The following ELAVL2 variants were observed in gnomAD, a reference collection of about 807,000 sequenced individuals.
The protein encoded by ELAVL2 is ELAV like RNA binding protein 2.
Under a neutral mutation model 34.6 loss-of-function variants are expected in ELAVL2, and 4 were observed. That is an observed-to-expected ratio of 0.12 (90% CI 0.06 to 0.26). The LOEUF is 0.26. ELAVL2 is among the 10% of genes least tolerant of loss of function. The pLI is 1.00. For synonymous variants in ELAVL2, 193 were observed against 154.8 expected (o/e 1.25, Z -1.83); for missense variants, 432 against 442.8 (o/e 0.98, Z 0.22).
chr9:23,841,230 TGAG>T, the ELAVL2 span, among the ~76,000 whole-genome samples: 7 of 152,004 alleles, frequency 4.6e-5, no homozygotes, highest in East Asian at 1.9e-4. Context: ...GAGAAGATGA[TGAG>T]GAGGTGAGGA....
At chr9:23,821,240 GT>G (rs906757620) in intron 1 of ELAVL2, 2 of 152,542 alleles carry the variant, frequency 1.3e-5, no homozygotes, top group Non-Finnish European at 2.9e-5. Context: ...CGTCTCAACA[GT>G]TTCCTTCTTG....
chr9:23,722,007 G>A (rs2043855956), intron 3 of ELAVL2, among the ~76,000 whole-genome samples: 1 of 152,174 alleles, frequency 6.6e-6, no homozygotes, highest in African/African-American at 2.4e-5. Context: ...AATTGTTCAA[G>A]TGTCAACTGT....
intron 2 of ELAVL2, among the ~76,000 whole-genome samples, chr9:23,739,846 T>G (rs1426831399): frequency 6.6e-6 from 1 of 152,038 alleles, no homozygotes; most frequent in Admixed American, 6.6e-5. Flanking sequence ...TACAGCTTCT[T>G]AATGTGTTTT....
intron 1 of ELAVL2, among the ~76,000 whole-genome samples, chr9:23,805,672 T>TAC (rs2062121292): frequency 6.6e-6 from 1 of 152,200 alleles, no homozygotes. Context: ...TTAGAGCATC[T>TAC]ACCTTAGACC....
chr9:23,833,326 GAATTACCAGCTTT>G, the ELAVL2 span, among the ~76,000 whole-genome samples: 2 of 151,622 alleles, frequency 1.3e-5, no homozygotes, highest in Non-Finnish European at 3.0e-5. Context: ...AAACAAGTTT[GAATTACCAGCTTT>G]AATAAGCCCC....
chr9:23,716,333 TAAA>T (rs531123185), intron 3 of ELAVL2, among the ~76,000 whole-genome samples: 3 of 152,132 alleles, frequency 2.0e-5, no homozygotes, highest in African/African-American at 7.2e-5. Flanking sequence ...TATGTATATA[TAAA>T]AAAACTTTGT....
At chr9:23,745,832 C>T (rs1486063307) in intron 2 of ELAVL2, among the ~76,000 whole-genome samples, 1 of 152,138 alleles carries the variant, frequency 6.6e-6, no homozygotes, top group East Asian at 1.9e-4. Flanking sequence ...CTACTAAAAG[C>T]AATGGGAGTC....
intron 3 of ELAVL2, among the ~76,000 whole-genome samples, chr9:23,730,225 G>T (rs139973193): frequency 1.3e-5 from 2 of 152,208 alleles, no homozygotes; most frequent in Non-Finnish European, 2.9e-5. Context: ...TCTATGCTGT[G>T]AATTAGATTA....
chr9:23,778,681 G>C (rs1456808078), intron 1 of ELAVL2, among the ~76,000 whole-genome samples: 2 of 152,188 alleles, frequency 1.3e-5, no homozygotes, highest in African/African-American at 2.4e-5. Flanking sequence ...CAGAATGTCA[G>C]AGTACTGGGG....
intron 1 of ELAVL2, among the ~76,000 whole-genome samples, chr9:23,798,887 T>G (rs1394739615): frequency 6.6e-6 from 1 of 152,160 alleles, no homozygotes; most frequent in Non-Finnish European, 1.5e-5. Context: ...CCACCATCTG[T>G]TTTTTATAGA....
At chr9:23,810,113 A>G (rs1165849066) in intron 1 of ELAVL2, among the ~76,000 whole-genome samples, 1 of 152,122 alleles carries the variant, frequency 6.6e-6, no homozygotes, top group Non-Finnish European at 1.5e-5. Context: ...TCTCAATGTC[A>G]CTTTCACCTT....
At chr9:23,725,073 T>G (rs1398991050) in intron 3 of ELAVL2, among the ~76,000 whole-genome samples, 3 of 152,082 alleles carry the variant, frequency 2.0e-5, no homozygotes, top group Non-Finnish European at 2.9e-5. Flanking sequence ...AATAACAAAC[T>G]ACACAAGCCA....
intron 3 of ELAVL2, among the ~76,000 whole-genome samples, chr9:23,723,833 G>C (rs901775767): frequency 6.6e-6 from 1 of 152,038 alleles, no homozygotes; most frequent in Non-Finnish European, 1.5e-5. Flanking sequence ...CTGATAAACA[G>C]TAAGTTTCAG....
At chr9:23,728,856 A>G (rs1192969629) in intron 3 of ELAVL2, among the ~76,000 whole-genome samples, 1 of 152,082 alleles carries the variant, frequency 6.6e-6, no homozygotes, top group Non-Finnish European at 1.5e-5. Context: ...CAAATTGAGG[A>G]TGCCAGCTGT....
At chr9:23,782,678 A>G (rs888130165) in intron 1 of ELAVL2, among the ~76,000 whole-genome samples, 1 of 152,240 alleles carries the variant, frequency 6.6e-6, no homozygotes, top group Non-Finnish European at 1.5e-5. Context: ...TAGCCTGAAG[A>G]CAATTAGCGT....
At chr9:23,800,294 T>A (rs1007047654) in intron 1 of ELAVL2, among the ~76,000 whole-genome samples, 2 of 152,176 alleles carry the variant, frequency 1.3e-5, no homozygotes, top group African/African-American at 2.4e-5. Context: ...CCTAAAACAG[T>A]AGAGTTCCTA....
intron 1 of ELAVL2, among the ~76,000 whole-genome samples, chr9:23,781,898 A>AT (rs1000704561): frequency 1.3e-5 from 2 of 151,960 alleles, no homozygotes; most frequent in African/African-American, 2.4e-5. Flanking sequence ...GTTAGTCAGG[A>AT]TGGTCTCGAT....
At chr9:23,837,835 C>T in the ELAVL2 span, among the ~76,000 whole-genome samples, 2 of 151,982 alleles carry the variant, frequency 1.3e-5, no homozygotes, top group Non-Finnish European at 2.9e-5. Flanking sequence ...TATACCTTGC[C>T]GTGCTCTCTA....
chr9:23,710,443 G>T (rs1030984560), intron 3 of ELAVL2, among the ~76,000 whole-genome samples: 1 of 152,226 alleles, frequency 6.6e-6, no homozygotes, highest in African/African-American at 2.4e-5. Flanking sequence ...TCAATGGAAA[G>T]ATCAGTGACA....
Sources: allele counts gnomAD v4.1 joint callset (sites outside exome capture counted in the v4.1 genomes callset), GRCh38; gene constraint gnomAD v4.1.1; transcripts MANE v1.5; gene names NCBI Gene and HGNC (gene_info 2026-07-23, HGNC 2026-07-21).